Variants in CDH13 observed in about 807,000 individuals in gnomAD.
The protein encoded by CDH13 is cadherin 13.
In CDH13, 24 loss-of-function variants were observed where a neutral mutation model predicts 63.8. The ratio of observed to expected loss-of-function variants is 0.38; its 90% CI spans 0.27 to 0.53. CDH13 has a LOEUF of 0.53. Ranked by LOEUF, CDH13 falls within the 20% of genes least tolerant of loss-of-function variation. CDH13 has a pLI of 0.85. For missense variants in CDH13, 1,049 were observed against 903.1 expected (o/e 1.16, Z -2.07); for synonymous variants, 503 against 355.3 (o/e 1.42, Z -4.67).
chr16:83,476,624 G>C (rs913830058), intron 6 of CDH13, among the ~76,000 whole-genome samples: 1 of 152,140 alleles, frequency 6.6e-6, no homozygotes, highest in African/African-American at 2.4e-5. Context: ...TGTGAGCCCA[G>C]ATTACGCCAC....
At chr16:82,843,999 A>T (rs927415298) in intron 1 of CDH13, among the ~76,000 whole-genome samples, 4 of 152,236 alleles carry the variant, frequency 2.6e-5, no homozygotes, top group African/African-American at 9.6e-5. Context: ...TACTTATAGA[A>T]CTTTCCTTTC....
chr16:82,664,013 T>A (rs1241631316), intron 1 of CDH13, among the ~76,000 whole-genome samples: 2 of 152,196 alleles, frequency 1.3e-5, no homozygotes, highest in East Asian at 3.9e-4. Context: ...CCTTTGTAGC[T>A]GTGGACCACG....
At chr16:83,132,958 C>G (rs1055917787) in intron 4 of CDH13, among the ~76,000 whole-genome samples, 1 of 152,124 alleles carries the variant, frequency 6.6e-6, no homozygotes, top group East Asian at 1.9e-4. Context: ...TGGGATACAC[C>G]CTCTGTATCC....
At chr16:83,279,288 T>A (rs1391381629) in intron 5 of CDH13, among the ~76,000 whole-genome samples, 1 of 152,154 alleles carries the variant, frequency 6.6e-6, no homozygotes, top group Admixed American at 6.5e-5. Flanking sequence ...AAGTAAATAT[T>A]TCATCCCCGA....
intron 7 of CDH13, among the ~76,000 whole-genome samples, chr16:83,522,117 C>T (rs1450140286): frequency 2.6e-5 from 4 of 152,222 alleles, no homozygotes; most frequent in Admixed American, 2.0e-4. Context: ...AGGTCCAGCT[C>T]TCTGCCCACC....
intron 1 of CDH13, among the ~76,000 whole-genome samples, chr16:82,650,721 T>C (rs1192998422): frequency 2.0e-5 from 3 of 152,186 alleles, no homozygotes; most frequent in African/African-American, 7.2e-5. Flanking sequence ...CCCTTGGTGA[T>C]CATGAAACCT....
At chr16:82,840,862 C>CT (rs1299297634) in intron 1 of CDH13, among the ~76,000 whole-genome samples, 2 of 152,110 alleles carry the variant, frequency 1.3e-5, no homozygotes, top group East Asian at 3.9e-4. Context: ...AAGGAAGACT[C>CT]TTTTCCTATG....
chr16:82,744,843 C>T (rs2034089151), intron 1 of CDH13, among the ~76,000 whole-genome samples: 1 of 152,148 alleles, frequency 6.6e-6, no homozygotes, highest in Non-Finnish European at 1.5e-5. Flanking sequence ...GTACAAGGTG[C>T]AGAGCCTGTA....
At chr16:82,735,457 C>T (rs1329473706) in intron 1 of CDH13, among the ~76,000 whole-genome samples, 2 of 152,176 alleles carry the variant, frequency 1.3e-5, no homozygotes, top group Non-Finnish European at 2.9e-5. Context: ...GTTATTTATG[C>T]GACTTCATGA....
chr16:82,946,931 C>T (rs1196696151), intron 2 of CDH13, among the ~76,000 whole-genome samples: 1 of 151,480 alleles, frequency 6.6e-6, no homozygotes, highest in Non-Finnish European at 1.5e-5. Context: ...GAAAGGATGC[C>T]ATAACAGATT....
chr16:82,857,608 A>G (rs2039756126), intron 1 of CDH13, among the ~76,000 whole-genome samples: 1 of 152,260 alleles, frequency 6.6e-6, no homozygotes. Flanking sequence ...ATCTGCAAAG[A>G]CAGAACTGTG....
intron 11 of CDH13, among the ~76,000 whole-genome samples, chr16:83,766,082 G>C (rs1424030952): frequency 1.3e-5 from 2 of 152,120 alleles, no homozygotes; most frequent in South Asian, 2.1e-4. Context: ...TATCCTCCCA[G>C]AATGTGGGCC....
At chr16:83,294,498 C>A (rs972961190) in intron 5 of CDH13, among the ~76,000 whole-genome samples, 1 of 152,012 alleles carries the variant, frequency 6.6e-6, no homozygotes, top group Non-Finnish European at 1.5e-5. Context: ...GTGGTATTTG[C>A]CTTGCTGTGC....
At chr16:83,738,259 G>T (rs568793792) in intron 10 of CDH13, among the ~76,000 whole-genome samples, 1 of 152,248 alleles carries the variant, frequency 6.6e-6, no homozygotes, top group African/African-American at 2.4e-5. Flanking sequence ...CACCAAGCGC[G>T]GTGCCTGGCA....
chr16:82,968,390 T>G (rs949469731), intron 2 of CDH13, among the ~76,000 whole-genome samples: 3 of 152,224 alleles, frequency 2.0e-5, no homozygotes, highest in African/African-American at 7.2e-5. Flanking sequence ...TGTCTGTTTT[T>G]GCTGACTAAC....
chr16:83,597,745 C>T (rs1442108239), intron 7 of CDH13, among the ~76,000 whole-genome samples: 1 of 152,182 alleles, frequency 6.6e-6, no homozygotes, highest in African/African-American at 2.4e-5. Context: ...GTTAATCAGT[C>T]TATTTCTCAT....
At chr16:82,650,396 C>A (rs1171460822) in intron 1 of CDH13, among the ~76,000 whole-genome samples, 3 of 152,140 alleles carry the variant, frequency 2.0e-5, no homozygotes, top group Admixed American at 1.3e-4. Context: ...CCAGAAAGCT[C>A]CATCAACTCA....
chr16:82,689,128 A>G (rs947038344), intron 1 of CDH13: 1 of 150,774 alleles, frequency 6.6e-6, no homozygotes, highest in African/African-American at 2.4e-5. Context: ...TAACACACTT[A>G]CTCAGGTTTA....
intron 1 of CDH13, among the ~76,000 whole-genome samples, chr16:82,678,692 G>C (rs1233794939): frequency 2.0e-5 from 3 of 152,120 alleles, no homozygotes; most frequent in Non-Finnish European, 4.4e-5. Context: ...TGGCATGGCT[G>C]GCCCTTGAAG....
Sources: gnomAD v4.1 joint callset for allele counts (sites outside exome capture counted in the v4.1 genomes callset) on GRCh38, gnomAD v4.1.1 for gene constraint, MANE v1.5 for transcripts, NCBI Gene and HGNC (gene_info 2026-07-23, HGNC 2026-07-21) for gene names.